The following PCDHA12 variants were observed in gnomAD, a reference collection of about 807,000 sequenced individuals.
PCDHA12 encodes the protein protocadherin alpha-12.
Under a neutral mutation model 60.0 loss-of-function variants are expected in PCDHA12, and 44 were observed. The observed-to-expected ratio is 0.73, with a 90% CI of 0.58 to 0.94. The LOEUF (loss-of-function observed/expected upper bound fraction) is 0.94. Among genes scored for constraint, PCDHA12 ranks in the 40% least tolerant of loss-of-function variants. The pLI, the probability that PCDHA12 is intolerant of heterozygous loss-of-function variation, is 0.00. For missense variants in PCDHA12, 1,276 were observed against 1,239.7 expected, an observed-to-expected ratio of 1.03 and a Z score of -0.44; for synonymous variants, 569 against 553.0, an observed-to-expected ratio of 1.03 and a Z score of -0.40.
intron 1 of PCDHA12, among the ~76,000 whole-genome samples, chr5:140,891,886 G>A (rs1554184992): frequency 1.3e-5 from 2 of 152,186 alleles, no homozygotes; most frequent in East Asian, 1.9e-4. Context: ...GTCATGTGAC[G>A]ATGCAGCAAG....
At position 140,984,181 on chromosome 5, in the gene PCDHA12, C is replaced by T. The variant is rs995252456; in HGVS notation, c.2515+1618C>T. Among the ~76,000 whole-genome samples, 5 of 152,210 alleles carry T rather than the reference C, an allele frequency of 3.3e-5. No individual in the cohort carries two copies. In the East Asian group the frequency reaches 9.6e-4, roughly 29 times the overall value. Reference sequence around the variant, plus strand: ...ACTTCCCAAAGAAGCCACGTGAAATCATGACTTTCTACCTTGCCTTTATTT... The same window carrying T: ...ACTTCCCAAAGAAGCCACGTGAAATTATGACTTTCTACCTTGCCTTTATTT... On this transcript the variant is annotated intron_variant, in intron 3 of 3. Coordinates refer to ENST00000398631, the MANE Select transcript of PCDHA12 (RefSeq NM_018903.4).
Position 140,877,401 on chromosome 5 carries a change from G to A in PCDHA12, c.1929G>A (p.Pro643=). ...GCATCCTGGATGAGGCGGACGCTCC[G>A]CGCCACCGCCTGCTGGTGCTGGTGA... ...TTRILDEADA[P]RHRLLVLVKD... is the part of the protein sequence containing the mutation. Residue 643 remains proline (P), a synonymous_variant, in exon 1 of 4, where the codon CCG becomes CCA. Transcript: ENST00000398631. The A allele has an allele frequency of 6.2e-7, 1 of 1,613,944 alleles. No homozygotes were observed.
intron 3 of PCDHA12, among the ~76,000 whole-genome samples, chr5:141,005,619 G>A (rs996010701): frequency 6.8e-5 from 10 of 146,082 alleles, no homozygotes; most frequent in South Asian, 2.2e-4. Flanking sequence ...GGAGAATGGC[G>A]TGAACCCGGG....
intron 1 of PCDHA12, chr5:140,929,155 C>G: frequency 6.2e-7 from 1 of 1,614,156 alleles, no homozygotes; most frequent in Non-Finnish European, 8.5e-7. Flanking sequence ...TCAGACTTAT[C>G]TCTATCGGGC....
At chr5:140,968,170 C>G in intron 1 of PCDHA12, 1 of 1,614,132 alleles carries the variant, frequency 6.2e-7, no homozygotes, top group Middle Eastern at 1.6e-4. Context: ...ATCCACCAAG[C>G]TTCCTGGAGG....
rs782803893 is a variant in PCDHA12, at chr5:140,927,898, C to G, written c.2367+50059C>G. 3.1e-6 allele frequency: 5 copies of G among 1,614,230 alleles called. No individual in the cohort carries two copies. In the South Asian group the frequency reaches 4.4e-5, roughly 14 times the overall value. On this transcript the variant is annotated intron_variant, in intron 1 of 3. Coordinates refer to ENST00000398631, the MANE Select transcript of PCDHA12 (RefSeq NM_018903.4). Reference sequence around the variant, plus strand: ...GGTGGAGGTGACTGACGTGAACGATCATGCCCCCGAACTGGACTTCCTGAC... The same window carrying G: ...GGTGGAGGTGACTGACGTGAACGATGATGCCCCCGAACTGGACTTCCTGAC...
intron 1 of PCDHA12, among the ~76,000 whole-genome samples, chr5:140,936,711 A>G (rs2091105126): frequency 6.6e-6 from 1 of 152,212 alleles, no homozygotes; most frequent in African/African-American, 2.4e-5. Flanking sequence ...TCTTGTGCCA[A>G]TACATTCTGT....
chr5:140,877,837 G>A lies in PCDHA12; in HGVS notation c.2365G>A (p.Glu789Lys), dbSNP rs1313925880. The A allele has an allele frequency of 6.3e-7, 1 of 1,585,240 alleles. No homozygotes were observed. Among genetic ancestry groups the A allele is most frequent in the African/African-American group, 1.4e-5 (1 of 73,458 alleles). The change falls in exon 1 of 4, where the codon GAA becomes AAA. Residue 789 changes from glutamate (E) to lysine (K), a missense_variant and splice_region_variant. By Grantham distance (56) the Glu-to-Lys change is moderately conservative (BLOSUM62 1). Coordinates refer to ENST00000398631, the MANE Select transcript of PCDHA12 (RefSeq NM_018903.4). ...SREDCLNPPSEPRQPNPDWRY... is the reference protein window; with the variant it reads ...SREDCLNPPSKPRQPNPDWRY... ...AGAAGATTGTTTAAATCCTCCCAGT[G>A]AAGTAAGTTATTAATATTATTTAGA... is the stretch of plus-strand genomic sequence containing the variant.
chr5:140,876,894 C>G lies in PCDHA12; in HGVS notation c.1422C>G (p.Ile474Met). The G allele has an allele frequency of 1.2e-6, 2 of 1,614,132 alleles. No homozygotes were observed. Among genetic ancestry groups the G allele is most frequent in the Non-Finnish European group, 1.7e-6 (2 of 1,179,998 alleles). The change falls in exon 1 of 4, where the codon ATC becomes ATG. Residue 474 changes from isoleucine (I) to methionine (M), a missense_variant. Transcript: ENST00000398631. Reference protein sequence around the residue: ...VKENNPPGCHIFTVSAWDADA... With the variant: ...VKENNPPGCHMFTVSAWDADA... ...AGAACAACCCGCCGGGCTGCCACAT[C>G]TTCACGGTGTCGGCATGGGACGCGG...
chr5:140,893,583 T>G (rs535910), intron 1 of PCDHA12, among the ~76,000 whole-genome samples: 7,078 of 152,294 alleles, frequency 0.046, 293 homozygotes, highest in African/African-American at 0.11. Context: ...TTTGCTTGTT[T>G]GGGAAATACT....
At chr5:140,984,634 C>G (rs540344154) in intron 3 of PCDHA12, among the ~76,000 whole-genome samples, 4 of 152,298 alleles carry the variant, frequency 2.6e-5, no homozygotes, top group African/African-American at 9.6e-5. Context: ...AAGGGATTCT[C>G]TGCCTTCTCC....
intron 1 of PCDHA12, among the ~76,000 whole-genome samples, chr5:140,969,920 A>G (rs1554232150): frequency 6.6e-6 from 1 of 152,226 alleles, no homozygotes; most frequent in African/African-American, 2.4e-5. Flanking sequence ...ATAAAGCTGT[A>G]GTATTTAGAC....
intron 1 of PCDHA12, among the ~76,000 whole-genome samples, chr5:140,936,741 C>T (rs1234099505): frequency 3.3e-5 from 5 of 152,138 alleles, no homozygotes; most frequent in African/African-American, 1.2e-4. Flanking sequence ...AGTAACTTTT[C>T]ATTTGTATTG....
intron 1 of PCDHA12, among the ~76,000 whole-genome samples, chr5:140,917,334 G>A (rs1466426021): frequency 1.4e-5 from 2 of 147,744 alleles, no homozygotes; most frequent in Admixed American, 1.4e-4. Flanking sequence ...CGGGGGAGGG[G>A]GGGGATGGTG....
intron 1 of PCDHA12, among the ~76,000 whole-genome samples, chr5:140,962,688 G>C (rs1433931568): frequency 2.0e-5 from 3 of 152,164 alleles, no homozygotes; most frequent in African/African-American, 7.2e-5. Context: ...TGTTTTATCT[G>C]TAAATAATGC....
chr5:140,993,265 C>A (rs1196226593), intron 3 of PCDHA12, among the ~76,000 whole-genome samples: 1 of 152,062 alleles, frequency 6.6e-6, no homozygotes, highest in Non-Finnish European at 1.5e-5. Flanking sequence ...AAATTAGCTT[C>A]TTTGGTCTTT....
At chr5:140,981,583 T>TA (rs2096939530) in intron 2 of PCDHA12, among the ~76,000 whole-genome samples, 1 of 152,098 alleles carries the variant, frequency 6.6e-6, no homozygotes, top group Non-Finnish European at 1.5e-5. Flanking sequence ...CAAAAATAAA[T>TA]AAAATAAAAC....
chr5:140,950,028 A>G (rs1288516742), intron 1 of PCDHA12, among the ~76,000 whole-genome samples: 6 of 151,954 alleles, frequency 3.9e-5, no homozygotes, highest in Non-Finnish European at 8.8e-5. Flanking sequence ...TAAAATATAG[A>G]AAAGTTACAA....
At position 140,875,414 on chromosome 5, in the gene PCDHA12, C is replaced by A; in HGVS notation, c.-59C>A. 5 of 1,508,510 alleles carry A rather than the reference C, an allele frequency of 3.3e-6. No homozygotes were observed. The highest frequency in any genetic ancestry group is 4.4e-6 in the Non-Finnish European group (5 of 1,131,112). The allele number at this position is 1,508,510 out of a possible 1,614,324, so 93.4% of individuals were successfully genotyped here. The stretch of plus-strand genomic sequence containing the variant: ...AAAAGGGTGACTGCTCATAAAATAC[C>A]TCAGGCAAGCGATCCCTTAAAACTG... On this transcript the variant is annotated 5_prime_UTR_variant, in exon 1 of 4. Transcript: ENST00000398631.
Sources: gnomAD v4.1 joint callset for allele counts (sites outside exome capture counted in the v4.1 genomes callset) on GRCh38, gnomAD v4.1.1 for gene constraint, MANE v1.5 for transcripts, NCBI Gene and HGNC (gene_info 2026-07-23, HGNC 2026-07-21) for gene names.